TNS3: variants seen among roughly 807,000 people sequenced by gnomAD.
The protein encoded by TNS3 is tensin-3.
TNS3 carries 45 observed loss-of-function variants against 140.9 expected under a neutral mutation model. That is an observed-to-expected ratio of 0.32 (90% CI 0.25 to 0.41). The LOEUF (loss-of-function observed/expected upper bound fraction) is 0.41. TNS3 is among the 10% of genes least tolerant of loss of function. The pLI, the probability that TNS3 is intolerant of heterozygous loss-of-function variation, is 1.00. For missense variants in TNS3, 1,716 were observed against 1,906.7 expected, an observed-to-expected ratio of 0.90 and a Z score of 1.86; for synonymous variants, 815 against 788.4, an observed-to-expected ratio of 1.03 and a Z score of -0.56.
In TNS3 at chr7:47,351,537, G is replaced by A. The variant is rs138148785; in HGVS notation, c.2282-5181C>T. 3.3e-3 allele frequency among the ~76,000 whole-genome samples: 499 copies of A among 152,246 alleles called. 2 individuals carry two copies. Among genetic ancestry groups the A allele is most frequent in the Non-Finnish European group, 4.7e-3 (322 of 68,010 alleles). ...TTCAGGCAAGACAACTTGAACGTGAGACTCCACGCTAGGTCCAAGGTAGAT... is the reference window on the plus strand; with the variant it reads ...TTCAGGCAAGACAACTTGAACGTGAAACTCCACGCTAGGTCCAAGGTAGAT... On this transcript the variant is annotated intron_variant, in intron 17 of 30. Coordinates refer to ENST00000311160, the MANE Select transcript of TNS3 (RefSeq NM_022748.12).
chr7:47,559,607 A>G (rs1371498749), intron 1 of TNS3, among the ~76,000 whole-genome samples: 2 of 152,132 alleles, frequency 1.3e-5, no homozygotes, highest in African/African-American at 4.8e-5. Context: ...GGCTAAAACA[A>G]GAGCCACAGG....
rs929720050 is a variant in TNS3 at position 47,582,043 on chromosome 7, C to G, written c.-265+8G>C. The G allele has an allele frequency of 6.6e-6, 1 of 152,112 alleles. No homozygotes were observed. Among genetic ancestry groups the G allele is most frequent in the Non-Finnish European group, 1.5e-5 (1 of 68,018 alleles). The allele number at this position is 152,112 out of a possible 1,614,324, so 9.4% of individuals were successfully genotyped here. The stretch of plus-strand genomic sequence containing the variant: ...TGGCCGCGTTTCCTCCTTCCCCGGC[C>G]CCAGTACCTGGGGGAGCCTGAGGCG... On this transcript the variant is annotated splice_region_variant and intron_variant, in intron 1 of 30. Coordinates refer to ENST00000311160, the MANE Select transcript of TNS3 (RefSeq NM_022748.12).
At chr7:47,382,795 C>A (rs1273877506) in intron 16 of TNS3, among the ~76,000 whole-genome samples, 1 of 151,932 alleles carries the variant, frequency 6.6e-6, no homozygotes, top group African/African-American at 2.4e-5. Context: ...CCTAAATACA[C>A]CGTATTTTCA....
intron 5 of TNS3, among the ~76,000 whole-genome samples, chr7:47,441,204 G>C (rs944672804): frequency 6.6e-6 from 1 of 151,976 alleles, no homozygotes. Flanking sequence ...TTTCGAGACA[G>C]AGTCTCGCTC....
intron 10 of TNS3, among the ~76,000 whole-genome samples, chr7:47,415,577 T>C (rs1168725234): frequency 6.6e-6 from 1 of 152,220 alleles, no homozygotes; most frequent in Non-Finnish European, 1.5e-5. Flanking sequence ...GGTGGGCGTG[T>C]GCTCTGTCAC....
intron 1 of TNS3, among the ~76,000 whole-genome samples, chr7:47,553,070 T>G (rs1584850840): frequency 1.3e-5 from 2 of 152,210 alleles, no homozygotes; most frequent in Admixed American, 1.3e-4. Flanking sequence ...CCTAACTCTC[T>G]TCAATTCTAT....
chr7:47,455,393 C>T (rs1004614585), intron 4 of TNS3, among the ~76,000 whole-genome samples: 4 of 152,112 alleles, frequency 2.6e-5, no homozygotes, highest in East Asian at 1.9e-4. Flanking sequence ...GAATGAAGAG[C>T]TAATGAATTG....
At chr7:47,537,743 CAG>C (rs1799654654) in intron 1 of TNS3, among the ~76,000 whole-genome samples, 1 of 152,136 alleles carries the variant, frequency 6.6e-6, no homozygotes, top group South Asian at 2.1e-4. Context: ...CACTAGCAAA[CAG>C]GGCATTTGGA....
At chr7:47,483,468 C>G (rs1225377640) in intron 3 of TNS3, among the ~76,000 whole-genome samples, 6 of 152,200 alleles carry the variant, frequency 3.9e-5, no homozygotes, top group Admixed American at 3.9e-4. Context: ...CATACCTGGC[C>G]TGAGTGTCTG....
At chr7:47,311,814 CAA>C (rs1285152225) in intron 20 of TNS3, among the ~76,000 whole-genome samples, 2 of 151,978 alleles carry the variant, frequency 1.3e-5, no homozygotes, top group African/African-American at 4.8e-5. Context: ...AGTTAAAAAA[CAA>C]AACAAACAAA....
chr7:47,448,261 G>A (rs1436333457), intron 4 of TNS3, among the ~76,000 whole-genome samples: 2 of 152,232 alleles, frequency 1.3e-5, no homozygotes, highest in African/African-American at 4.8e-5. Flanking sequence ...GAGGAGGGAA[G>A]AGTGAAAGAC....
intron 16 of TNS3, among the ~76,000 whole-genome samples, chr7:47,378,352 G>A (rs1430306744): frequency 1.3e-5 from 2 of 152,272 alleles, no homozygotes; most frequent in East Asian, 1.9e-4. Context: ...CTGAGGAACT[G>A]TTCTCTAATA....
intron 16 of TNS3, among the ~76,000 whole-genome samples, chr7:47,395,356 C>T (rs1355225064): frequency 2.6e-5 from 4 of 152,204 alleles, no homozygotes; most frequent in South Asian, 2.1e-4. Context: ...CCCCATCTTG[C>T]CTTGCGATGA....
At chr7:47,396,689 C>A in intron 16 of TNS3, 111 bp downstream of exon 16, 1 of 865,436 alleles carries the variant, frequency 1.2e-6, no homozygotes, top group Admixed American at 1.8e-5. Flanking sequence ...TCTGAGAAAA[C>A]AGGGGAAATT....
At chr7:47,364,156 T>C (rs574840751) in intron 17 of TNS3, among the ~76,000 whole-genome samples, 46 of 152,228 alleles carry the variant, frequency 3.0e-4, no homozygotes, top group Admixed American at 2.8e-3. Context: ...GAAATGTCAA[T>C]ACTGAAATTT....
In TNS3 at chr7:47,369,043, C is replaced by T. The variant is rs1790890247; in HGVS notation, c.1603G>A (p.Gly535Ser). 6.2e-7 allele frequency: 1 copy of T among 1,613,886 alleles called. No homozygotes were observed. The highest frequency in any genetic ancestry group is 8.5e-7 in the Non-Finnish European group (1 of 1,180,036). Residue 535 changes from glycine (G) to serine (S), a missense_variant, in exon 17 of 31, where the codon GGC (glycine) becomes AGC (serine). Around this residue, in one of 3 missense-constraint regions of TNS3, gnomAD observed 1,163 missense variants for 1,182.1 expected, o/e 0.98. Coordinates refer to ENST00000311160, the MANE Select transcript of TNS3 (RefSeq NM_022748.12). ...FGSNVGEDPQ[G>S]TLVPDLGLGM... Reference sequence around the variant, plus strand: ...AGGCCCAGGTCCGGAACGAGGGTGCCCTGCGGATCTTCACCAACGTTGCTG... The same window carrying T: ...AGGCCCAGGTCCGGAACGAGGGTGCTCTGCGGATCTTCACCAACGTTGCTG...
intron 12 of TNS3, among the ~76,000 whole-genome samples, chr7:47,412,576 C>T (rs1429336334): frequency 1.3e-5 from 2 of 152,058 alleles, no homozygotes; most frequent in East Asian, 3.9e-4. Context: ...GGAGATCGTG[C>T]CAGAGCGAGA....
At chr7:47,413,779 G>A (rs546942613) in intron 12 of TNS3, among the ~76,000 whole-genome samples, 158 bp downstream of exon 12, 10 of 152,120 alleles carry the variant, frequency 6.6e-5, no homozygotes, top group South Asian at 6.2e-4. Flanking sequence ...CACGGGCCAC[G>A]AGAGGATTTT....
intron 3 of TNS3, among the ~76,000 whole-genome samples, chr7:47,484,524 C>T (rs1180972888): frequency 6.6e-6 from 1 of 152,222 alleles, no homozygotes; most frequent in East Asian, 1.9e-4. Flanking sequence ...TCATACCGGC[C>T]TGCTCAGCAC....
Sources: gnomAD v4.1 joint callset for allele counts (sites outside exome capture counted in the v4.1 genomes callset) on GRCh38, gnomAD v4.1.1 for gene constraint, gnomAD v4.1.1 regional missense constraint, MANE v1.5 for transcripts, NCBI Gene and HGNC (gene_info 2026-07-23, HGNC 2026-07-21) for gene names.